DNAH12: variants seen among roughly 807,000 people sequenced by gnomAD.
DNAH12 encodes dynein axonemal heavy chain 12, also known as axonemal beta dynein heavy chain 12.
A neutral mutation model predicts 371.5 loss-of-function variants in DNAH12; 285 were observed. The observed-to-expected ratio is 0.77, with a 90% CI of 0.70 to 0.85. The LOEUF is 0.85. Among genes scored for constraint, DNAH12 ranks in the 40% least tolerant of loss-of-function variants. DNAH12 has a pLI of 0.00. For missense variants in DNAH12, 3,611 were observed against 3,689.4 expected (o/e 0.98, Z 0.55); for synonymous variants, 1,200 against 1,213.0 (o/e 0.99, Z 0.22).
intron 60 of DNAH12, among the ~76,000 whole-genome samples, chr3:57,342,792 G>A (rs1320548620): frequency 2.6e-5 from 4 of 152,030 alleles, no homozygotes; most frequent in African/African-American, 9.7e-5. Context: ...GGGCAAATGA[G>A]GCTAGCATGA....
rs537342666 is a variant in DNAH12, at chr3:57,428,644, T to C, written c.5242A>G (p.Lys1748Glu). Residue 1748 changes from lysine (K) to glutamate (E), a missense_variant, in exon 34 of 74, where the codon AAA (lysine) becomes GAA (glutamate). By Grantham distance (56) the Lys-to-Glu change is moderately conservative (BLOSUM62 1). Transcript: ENST00000495027. Reference sequence around the variant, plus strand: ...AATTATAGGATTACCTTGCATTTTTTCTTACGCTGGTTTAAAGAGGGTGGT... The same window carrying C: ...AATTATAGGATTACCTTGCATTTTTCCTTACGCTGGTTTAAAGAGGGTGGT... ...LIPPSLNQRKKKCKELIPTSN... is the reference protein window; with the variant it reads ...LIPPSLNQRKEKCKELIPTSN... 9.8e-6 allele frequency: 15 copies of C among 1,529,902 alleles called. No individual in the cohort carries two copies. The highest frequency in any genetic ancestry group is 1.7e-4 in the Middle Eastern group (1 of 5,874). 94.8% of individuals were successfully genotyped at this position (1,529,902 alleles called of 1,614,324 possible).
intron 60 of DNAH12, among the ~76,000 whole-genome samples, chr3:57,343,371 G>A (rs573599989): frequency 2.0e-4 from 31 of 152,332 alleles, no homozygotes; most frequent in Non-Finnish European, 1.8e-4. Flanking sequence ...ACAAAAACAT[G>A]TGTTGTATAA....
At chr3:57,554,912 C>T in the DNAH12 span, among the ~76,000 whole-genome samples, 4 of 152,246 alleles carry the variant, frequency 2.6e-5, no homozygotes, top group East Asian at 1.9e-4. Flanking sequence ...CCACTGGGCC[C>T]GGCGTCTTTA....
At chr3:57,520,049 G>C (rs1465144845) in intron 4 of DNAH12, 1 of 630,526 alleles carries the variant, frequency 1.6e-6, no homozygotes, top group Non-Finnish European at 2.8e-6. Context: ...TTGGGTTGGG[G>C]AAAGCCGGAG....
chr3:57,430,241 A>G (rs2064916049), intron 32 of DNAH12, among the ~76,000 whole-genome samples: 1 of 152,316 alleles, frequency 6.6e-6, no homozygotes, highest in African/African-American at 2.4e-5. Flanking sequence ...TACCTTTTTA[A>G]AAAAACAGTT....
intron 58 of DNAH12, among the ~76,000 whole-genome samples, chr3:57,362,070 GT>G (rs1359084578): frequency 1.8e-4 from 27 of 150,356 alleles, no homozygotes; most frequent in African/African-American, 6.6e-4. Flanking sequence ...GTGTCCAAGT[GT>G]TCTCATTGTT....
At chr3:57,509,084 T>C (rs942148041) in intron 6 of DNAH12, 56 bp downstream of exon 6, 16 of 1,453,962 alleles carry the variant, frequency 1.1e-5, no homozygotes, top group Non-Finnish European at 1.5e-5. Context: ...GATCAGTTTA[T>C]TTTTTATCTA....
intron 29 of DNAH12, among the ~76,000 whole-genome samples, chr3:57,437,753 G>GA (rs11437238): frequency 0.079 from 12,081 of 152,206 alleles, 1,637 homozygotes; most frequent in African/African-American, 0.27. Context: ...AGTGACACAA[G>GA]AGACCAAGGG....
intron 37 of DNAH12, among the ~76,000 whole-genome samples, chr3:57,416,461 T>C (rs2064379556): frequency 6.6e-6 from 1 of 152,168 alleles, no homozygotes. Flanking sequence ...AAAACACTTA[T>C]GAAACAAGTA....
intron 6 of DNAH12, 62 bp downstream of exon 6, chr3:57,509,078 A>G (rs2067886567): frequency 7.3e-7 from 1 of 1,369,092 alleles, no homozygotes; most frequent in African/African-American, 1.5e-5. Context: ...AGGTAAGATC[A>G]GTTTATTTTT....
intron 45 of DNAH12, 148 bp downstream of exon 45, chr3:57,391,724 A>C (rs2063627301): frequency 6.6e-6 from 1 of 152,182 alleles, no homozygotes; most frequent in Admixed American, 6.5e-5. Context: ...TAGTCTTATC[A>C]GTCTCTGGTG....
At chr3:57,435,947 T>A (rs971635028) in intron 30 of DNAH12, among the ~76,000 whole-genome samples, 1 of 152,076 alleles carries the variant, frequency 6.6e-6, no homozygotes, top group Non-Finnish European at 1.5e-5. Context: ...GATCCCAACT[T>A]TCTATAGGCA....
At chr3:57,304,159 C>CA (rs939919488) in intron 69 of DNAH12, among the ~76,000 whole-genome samples, 5 of 151,874 alleles carry the variant, frequency 3.3e-5, no homozygotes, top group Admixed American at 3.3e-4. Context: ...CCTTCACTGA[C>CA]AAAACCTCTC....
At chr3:57,413,234 G>C (rs1018341654) in intron 39 of DNAH12, among the ~76,000 whole-genome samples, 1 of 152,154 alleles carries the variant, frequency 6.6e-6, no homozygotes, top group Non-Finnish European at 1.5e-5. Context: ...TTCTGAAAAT[G>C]GTTAAACTAT....
At chr3:57,500,474 C>T (rs2067502047) in intron 11 of DNAH12, among the ~76,000 whole-genome samples, 1 of 152,200 alleles carries the variant, frequency 6.6e-6, no homozygotes, top group Admixed American at 6.5e-5. Context: ...TTTCGAACTT[C>T]ATCATATTCT....
intron 11 of DNAH12, chr3:57,498,563 G>A (rs1386151272): frequency 1.4e-6 from 1 of 716,842 alleles, no homozygotes; most frequent in Non-Finnish European, 2.6e-6. Context: ...GAAAGCATAT[G>A]TCCGCACAAA....
At chr3:57,502,262 C>G (rs2153390659) in intron 10 of DNAH12, 61 bp downstream of exon 10, 1 of 1,593,856 alleles carries the variant, frequency 6.3e-7, no homozygotes, top group African/African-American at 1.3e-5. Context: ...AAACATCTGA[C>G]CAAATTCTAG....
intron 62 of DNAH12, among the ~76,000 whole-genome samples, chr3:57,329,899 A>G (rs2062050249): frequency 2.0e-5 from 3 of 152,198 alleles, no homozygotes; most frequent in Admixed American, 6.5e-5. Flanking sequence ...AAAAGTGGGC[A>G]AAGGACATGA....
At chr3:57,315,478 G>T (rs2061666038) in intron 65 of DNAH12, among the ~76,000 whole-genome samples, 2 of 150,690 alleles carry the variant, frequency 1.3e-5, no homozygotes. Flanking sequence ...TAAGAGCAAT[G>T]ATCTAATTTA....
Sources: gnomAD v4.1 joint callset for allele counts (sites outside exome capture counted in the v4.1 genomes callset) on GRCh38, gnomAD v4.1.1 for gene constraint, MANE v1.5 for transcripts, NCBI Gene and HGNC (gene_info 2026-07-23, HGNC 2026-07-21) for gene names.